The following CAPS2 variants were observed in gnomAD, a reference collection of about 807,000 sequenced individuals.
CAPS2 encodes calcyphosin-2.
A neutral mutation model predicts 86.5 loss-of-function variants in CAPS2; 98 were observed. The observed-to-expected ratio is 1.13, with a 90% confidence interval of 0.96 to 1.34. The LOEUF is 1.34. Among genes scored for constraint, CAPS2 ranks in the 40% most tolerant of loss-of-function variants. The probability of loss-of-function intolerance (pLI) is 0.00; values close to 1 mark genes in which losing one functional copy is unlikely to be tolerated. For missense variants in CAPS2, 729 were observed against 686.8 expected (o/e 1.06, Z -0.69); for synonymous variants, 210 against 225.1 (o/e 0.93, Z 0.60).
intron 1 of CAPS2, among the ~76,000 whole-genome samples, chr12:75,346,049 A>G (rs1174933842): frequency 6.6e-6 from 1 of 152,216 alleles, no homozygotes; most frequent in African/African-American, 2.4e-5. Flanking sequence ...TATTAGAGTT[A>G]CATCCAATGT....
rs560254946 is a variant in CAPS2 at position 75,359,129 on chromosome 12, T to C, written c.-395+31709A>G. Reference sequence around the variant, plus strand: ...AATCTTTTAGGATACAAAATTAGTATACAAAAATTAATTACATGTCTGTAT... The same window carrying C: ...AATCTTTTAGGATACAAAATTAGTACACAAAAATTAATTACATGTCTGTAT... On this transcript the variant is annotated intron_variant, in intron 1 of 5. Transcript: ENST00000551829. Among the ~76,000 whole-genome samples, 24 of 150,326 alleles carry C rather than the reference T, an allele frequency of 1.6e-4. No individual in the cohort carries two copies. In the South Asian group the frequency reaches 5.0e-3, roughly 31 times the overall value.
intron 7 of CAPS2, chr12:75,305,552 C>T: frequency 1.6e-6 from 1 of 626,698 alleles, no homozygotes; most frequent in Admixed American, 2.0e-5. Context: ...CCTCCGTCCG[C>T]GACCCTGGCA....
chr12:75,305,830 C>T (rs2038407097), intron 7 of CAPS2: 2 of 746,884 alleles, frequency 2.7e-6, no homozygotes, highest in Non-Finnish European at 2.5e-6. Context: ...TATTCAGGCT[C>T]ACCAGCCTCA....
At chr12:75,388,489 A>C (rs1437055744) in intron 1 of CAPS2, among the ~76,000 whole-genome samples, 1 of 152,242 alleles carries the variant, frequency 6.6e-6, no homozygotes, top group Non-Finnish European at 1.5e-5. Flanking sequence ...CCACGAAAAG[A>C]CATGGAAGAA....
chr12:75,328,640 A>T (rs182963591), upstream of CAPS2, among the ~76,000 whole-genome samples: 2 of 152,242 alleles, frequency 1.3e-5, no homozygotes, highest in African/African-American at 4.8e-5. Flanking sequence ...CTTTCTCTGC[A>T]TCTAACTGTA....
At chr12:75,299,969 T>C in intron 8 of CAPS2, 58 bp from the exon 9 acceptor site, 1 of 691,378 alleles carries the variant, frequency 1.4e-6, no homozygotes, top group Non-Finnish European at 2.4e-6. Flanking sequence ...TTGATGGAAA[T>C]TGTAAATGTA....
upstream of CAPS2, among the ~76,000 whole-genome samples, chr12:75,328,738 T>G (rs559021599): frequency 1.3e-5 from 2 of 152,364 alleles, no homozygotes; most frequent in East Asian, 3.9e-4. Context: ...TCTTTAATGC[T>G]AGACTGTAAG....
intron 1 of CAPS2, among the ~76,000 whole-genome samples, chr12:75,382,112 T>C (rs560499381): frequency 2.6e-5 from 4 of 152,154 alleles, no homozygotes; most frequent in African/African-American, 9.6e-5. Flanking sequence ...GAATCTTAAA[T>C]TTGAATTATA....
chr12:75,336,900 T>C (rs1214851597), intron 1 of CAPS2, among the ~76,000 whole-genome samples: 1 of 151,766 alleles, frequency 6.6e-6, no homozygotes, highest in Non-Finnish European at 1.5e-5. Context: ...AAATTAACAG[T>C]ATTTGAAATT....
upstream of CAPS2, among the ~76,000 whole-genome samples, chr12:75,327,235 C>T (rs1219216346): frequency 6.6e-6 from 1 of 152,150 alleles, no homozygotes; most frequent in African/African-American, 2.4e-5. Context: ...ATTTCCTTTA[C>T]TCATTTCCCA....
At chr12:75,350,063 A>G (rs2042704171) in intron 1 of CAPS2, among the ~76,000 whole-genome samples, 1 of 152,220 alleles carries the variant, frequency 6.6e-6, no homozygotes, top group African/African-American at 2.4e-5. Context: ...GGTGCCAGCA[A>G]GACTGACTGG....
At chr12:75,370,157 T>C in intron 1 of CAPS2, 1 of 1,571,872 alleles carries the variant, frequency 6.4e-7, no homozygotes, top group Non-Finnish European at 8.7e-7. Flanking sequence ...TTAGGTTTTC[T>C]TCTTCTGAGA....
At chr12:75,355,317 G>A (rs1438164595) in intron 1 of CAPS2, among the ~76,000 whole-genome samples, 1 of 152,152 alleles carries the variant, frequency 6.6e-6, no homozygotes, top group African/African-American at 2.4e-5. Flanking sequence ...CAAAAGACAT[G>A]AACAGACACT....
chr12:75,312,796 A>T, intron 7 of CAPS2, 52 bp downstream of exon 7: 5 of 1,073,838 alleles, frequency 4.7e-6, no homozygotes, highest in Non-Finnish European at 7.2e-6. Context: ...ATGAAAATAA[A>T]TTTAATGAAA....
At chr12:75,286,154 T>C (rs1275497615) in intron 14 of CAPS2, among the ~76,000 whole-genome samples, 9 of 152,014 alleles carry the variant, frequency 5.9e-5, no homozygotes, top group Admixed American at 5.9e-4. Context: ...TAGCAAATAA[T>C]AGGTACTCAA....
At chr12:75,277,608 TA>T (rs773285512) in exon 17 of CAPS2, 46 of 983,998 alleles carry the variant, frequency 4.7e-5, no homozygotes, top group Non-Finnish European at 5.4e-5. Flanking sequence ...TATTAAGTTT[TA>T]GTACCTTCTC....
At chr12:75,368,579 T>G (rs1005032604) in intron 1 of CAPS2, among the ~76,000 whole-genome samples, 1 of 151,760 alleles carries the variant, frequency 6.6e-6, no homozygotes, top group Non-Finnish European at 1.5e-5. Context: ...AAGAGATGGC[T>G]AGATCCTTGT....
chr12:75,351,678 C>T (rs1458538244), intron 1 of CAPS2, among the ~76,000 whole-genome samples: 1 of 151,954 alleles, frequency 6.6e-6, no homozygotes, highest in African/African-American at 2.4e-5. Context: ...TCCTGAGTAG[C>T]TGGGATTAGA....
At chr12:75,283,622 T>C (rs1164336085) in intron 15 of CAPS2, among the ~76,000 whole-genome samples, 1 of 152,062 alleles carries the variant, frequency 6.6e-6, no homozygotes, top group African/African-American at 2.4e-5. Flanking sequence ...AAGACCAGCT[T>C]GGCCAACATG....
Sources: allele counts gnomAD v4.1 joint callset (sites outside exome capture counted in the v4.1 genomes callset), GRCh38; gene constraint gnomAD v4.1.1; transcripts MANE v1.5; gene names NCBI Gene and HGNC (gene_info 2026-07-23, HGNC 2026-07-21).